Variants in DDX43 observed in about 807,000 individuals in gnomAD.
DDX43 encodes probable ATP-dependent RNA helicase DDX43.
In DDX43, 50 loss-of-function variants were observed where a neutral mutation model predicts 84.9. That is an observed-to-expected ratio of 0.59 (90% CI 0.47 to 0.75). DDX43 has a LOEUF of 0.75. Among genes scored for constraint, DDX43 ranks in the 30% least tolerant of loss-of-function variants. DDX43 has a pLI of 0.00. For missense variants in DDX43, 689 were observed against 798.6 expected, an observed-to-expected ratio of 0.86 and a Z score of 1.65; for synonymous variants, 291 against 266.3, an observed-to-expected ratio of 1.09 and a Z score of -0.90.
rs764126310 is a variant in DDX43 at position 73,405,854 on chromosome 6, C to G, written c.807+19C>G. On this transcript the variant is annotated intron_variant, in intron 6 of 16. Transcript: ENST00000370336. ...TATTCAGGTATGCTTTCATTAATTA[C>G]AATATTTCACTCAATGTTTTTCTTC... is the stretch of plus-strand genomic sequence containing the variant. 6.8e-6 allele frequency: 11 copies of G among 1,606,896 alleles called. No individual in the cohort carries two copies. The South Asian group carries it at 1.0e-4, about 15-fold the overall frequency.
At chr6:73,417,157 A>G (rs1247487168) in intron 16 of DDX43, 30 bp from the exon 17 acceptor site, 1 of 152,232 alleles carries the variant, frequency 6.6e-6, no homozygotes, top group Non-Finnish European at 1.5e-5. Flanking sequence ...TGTTGGGGTC[A>G]GCAATTTACA....
At chr6:73,400,731 C>G (rs1434922198) in intron 3 of DDX43, among the ~76,000 whole-genome samples, 2 of 152,244 alleles carry the variant, frequency 1.3e-5, no homozygotes, top group Middle Eastern at 3.4e-3. Flanking sequence ...GATCCTAACC[C>G]TAGTCTTGTC....
intron 3 of DDX43, among the ~76,000 whole-genome samples, chr6:73,400,962 AT>A (rs2150790397): frequency 6.6e-6 from 1 of 152,144 alleles, no homozygotes; most frequent in South Asian, 2.1e-4. Context: ...TCATTTATTT[AT>A]TTTTATTTTT....
intron 7 of DDX43, 139 bp from the exon 8 acceptor site, chr6:73,407,366 G>C: frequency 1.7e-6 from 1 of 599,330 alleles, no homozygotes. Flanking sequence ...TAATCCGACT[G>C]CCTTGGCCTC....
At chr6:73,407,460 C>A in intron 7 of DDX43, 45 bp from the exon 8 acceptor site, 3 of 1,265,906 alleles carry the variant, frequency 2.4e-6, no homozygotes, top group South Asian at 1.2e-5. Context: ...ATGTACCGTG[C>A]ATCTGAGACA....
At chr6:73,402,066 CTTTAT>C in intron 4 of DDX43, 76 bp downstream of exon 4, 1 of 1,550,648 alleles carries the variant, frequency 6.4e-7, no homozygotes, top group Non-Finnish European at 8.8e-7. Context: ...AATGTCTGTG[CTTTAT>C]TTTTAGTAAT....
intron 1 of DDX43, among the ~76,000 whole-genome samples, chr6:73,395,482 C>T (rs1769448820): frequency 6.6e-6 from 1 of 151,806 alleles, no homozygotes; most frequent in Non-Finnish European, 1.5e-5. Flanking sequence ...GGCGTGGTGG[C>T]GCGCGCCTGT....
At chr6:73,399,770 T>C (rs1769533099) in intron 2 of DDX43, among the ~76,000 whole-genome samples, 1 of 152,174 alleles carries the variant, frequency 6.6e-6, no homozygotes, top group Non-Finnish European at 1.5e-5. Flanking sequence ...AAGGATAGAA[T>C]CCCATCAAGT....
At position 73,407,944 on chromosome 6, in the gene DDX43, A is replaced by G. The variant is rs1432934984; in HGVS notation, c.1038-16A>G. On this transcript the variant is annotated splice_polypyrimidine_tract_variant and intron_variant, in intron 8 of 16. Coordinates refer to ENST00000370336, the MANE Select transcript of DDX43 (RefSeq NM_018665.3). ...TCTGTGCCTAAACATTAACCTTTAG[A>G]TTTTTTCTTTTTAAGTGTTTGTGTA... The G allele has an allele frequency of 6.2e-7, 1 of 1,604,902 alleles. No individual in the cohort carries two copies. The highest frequency in any genetic ancestry group is 1.3e-5 in the African/African-American group (1 of 74,292).
At position 73,412,277 on chromosome 6, in the gene DDX43, T is replaced by C. The variant is rs1352257474; in HGVS notation, c.1353T>C (p.Gly451=). 1 of 1,612,088 alleles carries C rather than the reference T, an allele frequency of 6.2e-7. No individual in the cohort carries two copies. Among genetic ancestry groups the C allele is most frequent in the Admixed American group, 1.7e-5 (1 of 59,648 alleles). Residue 451 remains glycine, a synonymous_variant, in exon 11 of 17, where the codon GGT becomes GGC. Transcript: ENST00000370336. Reference sequence around the variant, plus strand: ...AAGAACCAATGATTGTCTATGTTGGTACATTGGATCTAGTTGTAAGCTTTT... The same window carrying C: ...AAGAACCAATGATTGTCTATGTTGGCACATTGGATCTAGTTGTAAGCTTTT... ...YLKEPMIVYV[G]TLDLVAVSSV... is the part of the protein sequence containing the mutation.
chr6:73,404,702 T>C lies in DDX43; in HGVS notation c.581T>C (p.Ile194Thr). 2 of 1,611,938 alleles carry C rather than the reference T, an allele frequency of 1.2e-6. No individual in the cohort carries two copies. Among genetic ancestry groups the C allele is most frequent in the South Asian group, 2.2e-5 (2 of 90,278 alleles). Residue 194 changes from isoleucine to threonine, a missense_variant, in exon 5 of 17, where the codon ATT (isoleucine) becomes ACT (threonine). Transcript: ENST00000370336. ...GCCTTTGTCCCAGATTTACCACCAA[T>C]TAAGAAAAACTTTTATAAAGAGTCC... ...QKTKWADLPP[I>T]KKNFYKESTA...
At chr6:73,400,549 T>C (rs1411685988) in intron 3 of DDX43, among the ~76,000 whole-genome samples, 186 bp downstream of exon 3, 3 of 152,212 alleles carry the variant, frequency 2.0e-5, no homozygotes, top group Admixed American at 1.3e-4. Flanking sequence ...CAGAGCTCTA[T>C]GTTCATGCCT....
intron 11 of DDX43, among the ~76,000 whole-genome samples, chr6:73,412,690 T>A (rs529276681): frequency 8.8e-6 from 1 of 113,962 alleles, no homozygotes; most frequent in African/African-American, 3.2e-5. Context: ...TGTGTGTGTG[T>A]GCGCGTGCGT....
chr6:73,400,700 T>C (rs1358796218), intron 3 of DDX43, among the ~76,000 whole-genome samples: 1 of 152,204 alleles, frequency 6.6e-6, no homozygotes, highest in African/African-American at 2.4e-5. Flanking sequence ...TGTTAGTGGG[T>C]AGAGTAAGGA....
rs560971820 is a variant in DDX43, at chr6:73,409,848, T to G, written c.1280+500T>G. ...GAGTTTGAGGCCAGCCTGGCCAACA[T>G]GGTGAAACCTCGTCTCTACTAAAAA... On this transcript the variant is annotated intron_variant, in intron 10 of 16. Transcript: ENST00000370336. Among the ~76,000 whole-genome samples, 175 of 152,234 alleles carry G rather than the reference T, an allele frequency of 1.1e-3. 1 individual carries two copies. The highest frequency in any genetic ancestry group is 8.9e-3 in the Admixed American group (136 of 15,278).
At chr6:73,415,248 A>T (rs1244478573) in intron 14 of DDX43, among the ~76,000 whole-genome samples, 3 of 152,116 alleles carry the variant, frequency 2.0e-5, no homozygotes, top group African/African-American at 7.2e-5. Flanking sequence ...CAGTAAGCCG[A>T]GATTGCGCCA....
At position 73,406,474 on chromosome 6, in the gene DDX43, T is replaced by A. The variant is rs761228665; in HGVS notation, c.918T>A (p.Leu306=). ...YLMPGFIHLV[L]QPSLKGQRNR... is the part of the protein sequence containing the mutation. ...TGCCTGGATTTATTCATCTGGTCCT[T>A]CAACCCAGGTAAGAATTCCTATGGC... The change falls in exon 7 of 17, where the codon CTT becomes CTA. Residue 306 remains leucine, a synonymous_variant. Transcript: ENST00000370336. 6.2e-7 allele frequency: 1 copy of A among 1,602,714 alleles called. No individual in the cohort carries two copies.
rs1769458977 is a variant in DDX43, at chr6:73,395,774, CAA to C, written c.250+622_250+623del. 2.6e-5 allele frequency among the ~76,000 whole-genome samples: 4 copies of C among 151,714 alleles called. No homozygotes were observed. The South Asian group carries it at 8.3e-4, about 31-fold the overall frequency. ...AGACAGCTAACCCCAGAATGAAAAACAAAACTTAATCAGTCTTTCTATGAGTA... is the reference window on the plus strand; with the variant it reads ...AGACAGCTAACCCCAGAATGAAAAACAACTTAATCAGTCTTTCTATGAGTA... On this transcript the variant is annotated intron_variant, in intron 1 of 16. Coordinates refer to ENST00000370336, the MANE Select transcript of DDX43 (RefSeq NM_018665.3).
intron 14 of DDX43, 77 bp downstream of exon 14, chr6:73,414,763 A>G: frequency 7.3e-7 from 1 of 1,369,058 alleles, no homozygotes; most frequent in Non-Finnish European, 9.9e-7. Context: ...TTGCCCAGAA[A>G]ACCATTTTAT....
Sources: gnomAD v4.1 joint callset for allele counts (sites outside exome capture counted in the v4.1 genomes callset) on GRCh38, gnomAD v4.1.1 for gene constraint, MANE v1.5 for transcripts, NCBI Gene and HGNC (gene_info 2026-07-23, HGNC 2026-07-21) for gene names.